MYPN: variants seen among roughly 807,000 people sequenced by gnomAD.
MYPN encodes the protein myopalladin, also known as sarcomeric protein myopalladin, 145 kDa (MYOP).
A neutral mutation model predicts 129.4 loss-of-function variants in MYPN; 63 were observed. That is an observed-to-expected ratio of 0.49 (90% CI 0.40 to 0.60). MYPN has a LOEUF of 0.60. Among genes scored for constraint, MYPN ranks in the 20% least tolerant of loss-of-function variants. MYPN has a pLI of 0.00. For synonymous variants in MYPN, 629 were observed against 600.9 expected, an observed-to-expected ratio of 1.05 and a Z score of -0.68; for missense variants, 1,596 against 1,635.4, an observed-to-expected ratio of 0.98 and a Z score of 0.42.
In MYPN at chr10:68,148,464, G is replaced by T; in HGVS notation, c.1242G>T (p.Gln414His). Residue 414 changes from glutamine (Q) to histidine (H), a missense_variant, in exon 5 of 20, where the codon CAG becomes CAT. Coordinates refer to ENST00000358913, the MANE Select transcript of MYPN (RefSeq NM_032578.4). Reference sequence around the variant, plus strand: ...CCCAACCTCGTGTGGCAACCATCCAGCAGGTACAAGAATCCAAGCGAAACA... The same window carrying T: ...CCCAACCTCGTGTGGCAACCATCCATCAGGTACAAGAATCCAAGCGAAACA... The part of the protein sequence containing the change: ...LVAQPRVATI[Q>H]QCQSPTNYLQ... The T allele has an allele frequency of 6.2e-7, 1 of 1,613,120 alleles. No individual in the cohort carries two copies. Among genetic ancestry groups the T allele is most frequent in the African/African-American group, 1.3e-5 (1 of 75,004 alleles).
chr10:68,184,190 C>A (rs1900014), intron 12 of MYPN, among the ~76,000 whole-genome samples: 62,918 of 151,976 alleles, frequency 0.41, 13,764 homozygotes, highest in Non-Finnish European at 0.49. Context: ...TACGTAATAT[C>A]CTGATACAAA....
intron 8 of MYPN, among the ~76,000 whole-genome samples, chr10:68,163,954 C>T (rs2043017083): frequency 6.6e-6 from 1 of 152,168 alleles, no homozygotes; most frequent in African/African-American, 2.4e-5. Context: ...GTTAGCTTGA[C>T]TGGCTTAGAC....
At chr10:68,141,984 C>A (rs1293263626) in intron 2 of MYPN, among the ~76,000 whole-genome samples, 2 of 152,122 alleles carry the variant, frequency 1.3e-5, no homozygotes, top group Non-Finnish European at 2.9e-5. Flanking sequence ...GGATGAACGC[C>A]TGAATGGTTT....
At chr10:68,160,188 G>A (rs975035303) in intron 7 of MYPN, among the ~76,000 whole-genome samples, 1 of 151,902 alleles carries the variant, frequency 6.6e-6, no homozygotes, top group Non-Finnish European at 1.5e-5. Flanking sequence ...CAAGGCAGAC[G>A]GATCACTTGA....
intron 19 of MYPN, 148 bp downstream of exon 19, chr10:68,207,051 A>T: frequency 1.1e-6 from 1 of 945,836 alleles, no homozygotes; most frequent in Admixed American, 2.1e-5. Context: ...TGAGGTCAGG[A>T]GTTCAAGACC....
chr10:68,180,465 C>T (rs10997984), intron 12 of MYPN, among the ~76,000 whole-genome samples: 8,461 of 152,300 alleles, frequency 0.056, 274 homozygotes, highest in African/African-American at 0.068. Flanking sequence ...GGATTACAGG[C>T]GTGGGCCACT....
At chr10:68,134,085 A>G (rs960799065) in intron 2 of MYPN, among the ~76,000 whole-genome samples, 1 of 152,202 alleles carries the variant, frequency 6.6e-6, no homozygotes, top group African/African-American at 2.4e-5. Context: ...TTCAAAATCT[A>G]TAACATGCAA....
intron 2 of MYPN, among the ~76,000 whole-genome samples, chr10:68,122,788 G>C (rs1223458467): frequency 6.6e-6 from 1 of 151,616 alleles, no homozygotes; most frequent in African/African-American, 2.4e-5. Context: ...TGTAATCCCA[G>C]CTACTCCGGA....
upstream of MYPN, among the ~76,000 whole-genome samples, chr10:68,103,774 A>G (rs1270277641): frequency 6.6e-6 from 1 of 152,094 alleles, no homozygotes; most frequent in African/African-American, 2.4e-5. Context: ...ACGTGGTGAA[A>G]CCCTGTCTCT....
chr10:68,189,778 C>T (rs1270211870), intron 13 of MYPN, among the ~76,000 whole-genome samples: 1 of 152,190 alleles, frequency 6.6e-6, no homozygotes, highest in African/African-American at 2.4e-5. Context: ...TTGATGGACA[C>T]ATAGGTTGAT....
At chr10:68,149,855 T>C (rs939140534) in intron 5 of MYPN, among the ~76,000 whole-genome samples, 185 bp from the exon 6 acceptor site, 1 of 152,172 alleles carries the variant, frequency 6.6e-6, no homozygotes, top group African/African-American at 2.4e-5. Context: ...ATAGCCACCA[T>C]GACCTAGAGA....
chr10:68,206,903 G>T lies in MYPN; in HGVS notation c.3793G>T (p.Ala1265Ser), dbSNP rs199476416. 3.0e-5 allele frequency: 49 copies of T among 1,613,908 alleles called. No individual in the cohort carries two copies. Among genetic ancestry groups the T allele is most frequent in the Non-Finnish European group, 4.1e-5 (48 of 1,180,012 alleles). The change falls in exon 19 of 20, where the codon GCT (alanine) becomes TCT (serine). Residue 1265 changes from alanine (A) to serine (S), a missense_variant and splice_region_variant. By Grantham distance (99) the Ala-to-Ser change is moderately conservative. Transcript: ENST00000358913. Reference sequence around the variant, plus strand: ...GTGCACTGCCAGGCTGGATATATACGGTAAGTGTAATGCTGTTAGTTGAAC... The same window carrying T: ...GTGCACTGCCAGGCTGGATATATACTGTAAGTGTAATGCTGTTAGTTGAAC... ...VSCTARLDIY[A>S]QWHHQIPPPM...
Position 68,150,121 on chromosome 10 carries a change from A to G in MYPN, c.1317+10A>G. ...TCCTGTGTTTACAAAGGTAATAAAA[A>G]TATTACTTCTTTCTGTCATGGCTTT... On this transcript the variant is annotated intron_variant, in intron 6 of 19. Coordinates refer to ENST00000358913, the MANE Select transcript of MYPN (RefSeq NM_032578.4). The G allele has an allele frequency of 6.2e-7, 1 of 1,603,310 alleles. No homozygotes were observed. Among genetic ancestry groups the G allele is most frequent in the Non-Finnish European group, 8.5e-7 (1 of 1,170,212 alleles).
chr10:68,119,574 C>G (rs1317584625), intron 1 of MYPN, among the ~76,000 whole-genome samples: 1 of 152,002 alleles, frequency 6.6e-6, no homozygotes, highest in African/African-American at 2.4e-5. Context: ...CCACGCCCAG[C>G]TAATTTTTTG....
At chr10:68,149,324 G>A (rs1276366955) in intron 5 of MYPN, among the ~76,000 whole-genome samples, 5 of 152,148 alleles carry the variant, frequency 3.3e-5, no homozygotes, top group Admixed American at 1.3e-4. Context: ...TTTCTAGTGG[G>A]TAGTTCCAGG....
intron 17 of MYPN, among the ~76,000 whole-genome samples, chr10:68,200,207 G>A (rs1031666940): frequency 2.6e-5 from 4 of 152,158 alleles, no homozygotes; most frequent in African/African-American, 4.8e-5. Flanking sequence ...ACTGTGGCTC[G>A]TCTTGCACAT....
intron 2 of MYPN, among the ~76,000 whole-genome samples, chr10:68,134,859 A>C (rs1352843954): frequency 1.3e-5 from 2 of 152,148 alleles, no homozygotes; most frequent in Non-Finnish European, 2.9e-5. Flanking sequence ...GGTGGTATTG[A>C]TGTCTTGGTA....
chr10:68,149,184 T>G (rs2042722953), intron 5 of MYPN, among the ~76,000 whole-genome samples: 1 of 152,202 alleles, frequency 6.6e-6, no homozygotes, highest in South Asian at 2.1e-4. Context: ...ATAGCATAGC[T>G]GCACTACAGC....
At chr10:68,148,276 A>C in intron 4 of MYPN, 77 bp from the exon 5 acceptor site, 2 of 1,155,692 alleles carry the variant, frequency 1.7e-6, no homozygotes, top group Non-Finnish European at 2.6e-6. Flanking sequence ...CAGTGATGCC[A>C]TTACTAGTTT....
Sources: allele counts gnomAD v4.1 joint callset (sites outside exome capture counted in the v4.1 genomes callset), GRCh38; gene constraint gnomAD v4.1.1; transcripts MANE v1.5; gene names NCBI Gene and HGNC (gene_info 2026-07-23, HGNC 2026-07-21).